KCND2: variants seen among roughly 807,000 people sequenced by gnomAD.
KCND2 encodes potassium voltage-gated channel subfamily D member 2.
In KCND2, 16 loss-of-function variants were observed where a neutral mutation model predicts 54.4. The observed-to-expected ratio is 0.29, with a 90% CI of 0.20 to 0.45. The LOEUF is 0.45. Among genes scored for constraint, KCND2 ranks in the 20% least tolerant of loss-of-function variants. KCND2 has a pLI of 1.00. For missense variants in KCND2, 486 were observed against 824.2 expected (o/e 0.59, Z 5.02); for synonymous variants, 317 against 310.7 (o/e 1.02, Z -0.21).
intron 1 of KCND2, among the ~76,000 whole-genome samples, chr7:120,516,238 C>T (rs149198064): frequency 2.1e-4 from 32 of 152,018 alleles, no homozygotes; most frequent in African/African-American, 6.3e-4. Flanking sequence ...TTCTTTTATT[C>T]GGCACTGCAA....
chr7:120,465,782 A>G (rs768667020), intron 1 of KCND2, among the ~76,000 whole-genome samples: 15 of 152,188 alleles, frequency 9.9e-5, no homozygotes, highest in Non-Finnish European at 1.8e-4. Flanking sequence ...TAGTATTTAA[A>G]GTCTTAAGTA....
intron 1 of KCND2, among the ~76,000 whole-genome samples, chr7:120,435,602 A>G (rs1801854347): frequency 6.6e-6 from 1 of 152,138 alleles, no homozygotes; most frequent in Non-Finnish European, 1.5e-5. Flanking sequence ...CTATTACAAA[A>G]TTAATTGTGC....
chr7:120,641,627 T>G (rs1251819155), intron 1 of KCND2, among the ~76,000 whole-genome samples: 2 of 152,162 alleles, frequency 1.3e-5, no homozygotes, highest in Non-Finnish European at 2.9e-5. Context: ...CTGCTTAATA[T>G]CCATGCAATG....
intron 1 of KCND2, among the ~76,000 whole-genome samples, chr7:120,648,041 G>C (rs1793463875): frequency 6.6e-6 from 1 of 152,108 alleles, no homozygotes; most frequent in Non-Finnish European, 1.5e-5. Flanking sequence ...TGAATAAGTA[G>C]ATGAAAGATT....
At chr7:120,428,154 C>T (rs1056146817) in intron 1 of KCND2, among the ~76,000 whole-genome samples, 36 of 152,088 alleles carry the variant, frequency 2.4e-4, no homozygotes, top group Admixed American at 3.3e-4. Flanking sequence ...AAGACATCTG[C>T]CAACTCATTC....
At chr7:120,450,969 T>TA (rs886328666) in intron 1 of KCND2, among the ~76,000 whole-genome samples, 23 of 152,120 alleles carry the variant, frequency 1.5e-4, no homozygotes, top group Admixed American at 6.5e-5. Flanking sequence ...GCGCCAAAAA[T>TA]AAAAAACAGT....
At chr7:120,363,442 C>G (rs1195380897) in intron 1 of KCND2, among the ~76,000 whole-genome samples, 1 of 152,110 alleles carries the variant, frequency 6.6e-6, no homozygotes, top group Non-Finnish European at 1.5e-5. Flanking sequence ...CTTCCAATTT[C>G]CAGGAGAAAC....
chr7:120,604,157 G>A (rs73441852), intron 1 of KCND2, among the ~76,000 whole-genome samples: 11,817 of 152,184 alleles, frequency 0.078, 613 homozygotes, highest in African/African-American at 0.14. Flanking sequence ...CTGCTACTAT[G>A]TAAGTGAGTG....
intron 1 of KCND2, among the ~76,000 whole-genome samples, chr7:120,298,427 C>T (rs1314994395): frequency 6.6e-6 from 1 of 152,104 alleles, no homozygotes; most frequent in Non-Finnish European, 1.5e-5. Flanking sequence ...AATTTTTGAC[C>T]AACTGTACTT....
At chr7:120,542,519 A>G (rs554858429) in intron 1 of KCND2, among the ~76,000 whole-genome samples, 3 of 152,266 alleles carry the variant, frequency 2.0e-5, no homozygotes, top group Admixed American at 6.5e-5. Flanking sequence ...TCTCACATCT[A>G]CAGCATAAGG....
chr7:120,515,557 A>C (rs1414386254), intron 1 of KCND2, among the ~76,000 whole-genome samples: 1 of 152,086 alleles, frequency 6.6e-6, no homozygotes, highest in Non-Finnish European at 1.5e-5. Context: ...ATCTCTGAAG[A>C]AGGTTCCCGT....
intron 1 of KCND2, among the ~76,000 whole-genome samples, chr7:120,448,225 T>C (rs1222224332): frequency 1.6e-5 from 2 of 126,472 alleles, no homozygotes; most frequent in Admixed American, 9.0e-5. Flanking sequence ...TTCCCCACCC[T>C]GTGTCCAAGT....
At chr7:120,304,758 G>A (rs988784808) in intron 1 of KCND2, among the ~76,000 whole-genome samples, 1 of 150,738 alleles carries the variant, frequency 6.6e-6, no homozygotes, top group Non-Finnish European at 1.5e-5. Flanking sequence ...TCTTCTTTGC[G>A]AATTGGTGGT....
intron 1 of KCND2, among the ~76,000 whole-genome samples, chr7:120,329,120 CTTTTT>C (rs542875258): frequency 7.5e-6 from 1 of 132,500 alleles, no homozygotes; most frequent in Non-Finnish European, 1.6e-5. Flanking sequence ...CTAGCTTAGT[CTTTTT>C]TTTTTTTTTT....
At chr7:120,442,367 C>T (rs1020068885) in intron 1 of KCND2, among the ~76,000 whole-genome samples, 3 of 152,018 alleles carry the variant, frequency 2.0e-5, no homozygotes, top group Non-Finnish European at 2.9e-5. Flanking sequence ...GCAGTCTTCA[C>T]TGAAACAGAT....
intron 1 of KCND2, among the ~76,000 whole-genome samples, chr7:120,502,033 A>G (rs1802943787): frequency 6.6e-6 from 1 of 152,094 alleles, no homozygotes; most frequent in South Asian, 2.1e-4. Flanking sequence ...AATGAGATGT[A>G]ATCAGAAAAC....
intron 1 of KCND2, among the ~76,000 whole-genome samples, chr7:120,466,369 G>GA (rs1000120218): frequency 1.5e-4 from 23 of 152,048 alleles, no homozygotes; most frequent in East Asian, 7.7e-4. Context: ...CACAGGATTT[G>GA]AAAAAAACTA....
At chr7:120,584,120 A>G (rs1017879580) in intron 1 of KCND2, among the ~76,000 whole-genome samples, 3 of 152,240 alleles carry the variant, frequency 2.0e-5, no homozygotes, top group Admixed American at 6.5e-5. Flanking sequence ...TGGAATGCAC[A>G]ATTGACAGAG....
At chr7:120,520,383 A>T (rs1791673822) in intron 1 of KCND2, among the ~76,000 whole-genome samples, 1 of 152,182 alleles carries the variant, frequency 6.6e-6, no homozygotes, top group South Asian at 2.1e-4. Context: ...ACTTCTGCAC[A>T]AAGTGAGAGA....
Sources: allele counts gnomAD v4.1 joint callset (sites outside exome capture counted in the v4.1 genomes callset), GRCh38; gene constraint gnomAD v4.1.1; transcripts MANE v1.5; gene names NCBI Gene and HGNC (gene_info 2026-07-23, HGNC 2026-07-21).